AGAP1: variants seen among roughly 807,000 people sequenced by gnomAD.
AGAP1 encodes arf-GAP with GTPase, ANK repeat and PH domain-containing protein 1.
A neutral mutation model predicts 105.3 loss-of-function variants in AGAP1; 29 were observed. The observed-to-expected ratio is 0.28, with a 90% CI of 0.21 to 0.38. AGAP1 has a LOEUF of 0.38. Ranked by LOEUF, AGAP1 falls within the 10% of genes least tolerant of loss-of-function variation. AGAP1 has a pLI of 1.00. For synonymous variants in AGAP1, 509 were observed against 485.9 expected (o/e 1.05, Z -0.63); for missense variants, 998 against 1,165.1 (o/e 0.86, Z 2.09).
chr2:235,893,812 C>T lies in AGAP1; in HGVS notation c.1155+10363C>T, dbSNP rs182201709. Among the ~76,000 whole-genome samples the T allele has an allele frequency of 9.4e-4, 143 of 152,236 alleles. No individual in the cohort carries two copies. The highest frequency in any genetic ancestry group is 3.3e-3 in the African/African-American group (137 of 41,546). ...GTGCCACCACAATGAAGTTTCCAAT[C>T]GTGTGACTCCTTCAGCATCTTTGCT... On this transcript the variant is annotated intron_variant, in intron 10 of 17. Transcript: ENST00000304032. This position sits in a 1 kb window ranked among gnomAD's most constrained non-coding sequence, Gnocchi z 4.7.
intron 9 of AGAP1, among the ~76,000 whole-genome samples, chr2:235,858,797 A>G (rs1053069919): frequency 6.6e-6 from 1 of 152,238 alleles, no homozygotes; most frequent in Non-Finnish European, 1.5e-5. Context: ...TAATGCCAGC[A>G]GTAACAGTGC....
intron 13 of AGAP1, among the ~76,000 whole-genome samples, chr2:236,018,246 TATG>T (rs1405302781): frequency 2.0e-5 from 3 of 152,328 alleles, no homozygotes; most frequent in African/African-American, 7.2e-5. Context: ...GTCTTAATGG[TATG>T]ATCCTCCAAT....
rs1946154327 is a variant in AGAP1 at position 235,612,323 on chromosome 2, T to A, written c.164-96856T>A. On this transcript the variant is annotated intron_variant, in intron 1 of 17. Coordinates refer to ENST00000304032, the MANE Select transcript of AGAP1 (RefSeq NM_001037131.3). The surrounding 1 kb of genome is among the most constrained non-coding windows in gnomAD (Gnocchi z 4.3). Reference sequence around the variant, plus strand: ...CTGTGGCGTGGAGGCGGTGCCTGGTTAAAGTGGGGCTCAGATGCCCCTTGG... The same window carrying A: ...CTGTGGCGTGGAGGCGGTGCCTGGTAAAAGTGGGGCTCAGATGCCCCTTGG... 6.6e-6 allele frequency among the ~76,000 whole-genome samples: 1 copy of A among 152,114 alleles called. No individual in the cohort carries two copies. The highest frequency in any genetic ancestry group is 1.5e-5 in the Non-Finnish European group (1 of 68,032).
intron 1 of AGAP1, among the ~76,000 whole-genome samples, chr2:235,541,996 TCTGCCCACA>T (rs1161441945): frequency 6.6e-6 from 1 of 152,212 alleles, no homozygotes; most frequent in Non-Finnish European, 1.5e-5. Context: ...TTTATTTTTT[TCTGCCCACA>T]CTGGATATTA....
chr2:236,010,813 A>T (rs2056484915), intron 13 of AGAP1, among the ~76,000 whole-genome samples: 1 of 152,194 alleles, frequency 6.6e-6, no homozygotes, highest in Non-Finnish European at 1.5e-5. Flanking sequence ...TTTGGGAGTG[A>T]GTCTCTCTGC....
At chr2:235,847,616 T>G (rs773851905) in intron 9 of AGAP1, among the ~76,000 whole-genome samples, 1 of 152,246 alleles carries the variant, frequency 6.6e-6, no homozygotes, top group African/African-American at 2.4e-5. Flanking sequence ...TTTTAATATT[T>G]TGACTATTCA....
In AGAP1 at chr2:236,120,380, A is replaced by G; in HGVS notation, c.2303A>G (p.Asp768Gly). 1 of 1,611,346 alleles carries G rather than the reference A, an allele frequency of 6.2e-7. No individual in the cohort carries two copies. The highest frequency in any genetic ancestry group is 8.5e-7 in the Non-Finnish European group (1 of 1,179,748). Reference protein sequence around the residue: ...DEVNETCGEGDGRTALHLACR... With the variant: ...DEVNETCGEGGGRTALHLACR... ...GTGAACGAGACCTGCGGGGAGGGAG[A>G]CGGCCGCACGGCGCTGCATCTGGCC... The change falls in exon 17 of 18, where the codon GAC (aspartate) becomes GGC (glycine). Residue 768 changes from aspartate (D) to glycine (G), a missense_variant. Physicochemically the swap from Asp to Gly is moderately conservative, Grantham distance 94. Around this residue, in one of 3 missense-constraint regions of AGAP1, gnomAD observed 235 missense variants for 270.7 expected, o/e 0.87. Coordinates refer to ENST00000304032, the MANE Select transcript of AGAP1 (RefSeq NM_001037131.3). The surrounding 1 kb of genome is among the most constrained non-coding windows in gnomAD (Gnocchi z 6.0).
chr2:235,823,521 A>G (rs1559530371), intron 9 of AGAP1, among the ~76,000 whole-genome samples: 1 of 152,176 alleles, frequency 6.6e-6, no homozygotes, highest in Non-Finnish European at 1.5e-5. Flanking sequence ...AGGGACCCTC[A>G]TCTTATACCT....
At chr2:235,907,656 G>A (rs2051371786) in intron 10 of AGAP1, among the ~76,000 whole-genome samples, 1 of 151,942 alleles carries the variant, frequency 6.6e-6, no homozygotes, top group South Asian at 2.1e-4. Context: ...GTATTCATGG[G>A]GGATTGGCTC....
intron 11 of AGAP1, among the ~76,000 whole-genome samples, chr2:235,928,709 T>C (rs545747496): frequency 6.6e-6 from 1 of 152,302 alleles, no homozygotes; most frequent in East Asian, 1.9e-4. Flanking sequence ...TGCTGCCTTC[T>C]GTGGGGTCTG....
chr2:235,697,802 T>C (rs1177310330), intron 1 of AGAP1, among the ~76,000 whole-genome samples: 2 of 152,334 alleles, frequency 1.3e-5, no homozygotes, highest in Admixed American at 6.5e-5. Context: ...GGCCCAATTA[T>C]ATCCAGCCCA....
chr2:235,713,332 G>C (rs546373730), intron 2 of AGAP1, among the ~76,000 whole-genome samples: 2 of 152,336 alleles, frequency 1.3e-5, no homozygotes, highest in South Asian at 2.1e-4. Flanking sequence ...AAAAAAAGAT[G>C]TACGTCGGAT....
Position 235,728,966 on chromosome 2 carries a change from G to A in AGAP1, c.310+11322G>A, listed in dbSNP as rs1951798320. Among the ~76,000 whole-genome samples, 1 of 151,532 alleles carries A rather than the reference G, an allele frequency of 6.6e-6. No homozygotes were observed. On this transcript the variant is annotated intron_variant, in intron 3 of 17. Transcript: ENST00000304032. The surrounding 1 kb of genome is among the most constrained non-coding windows in gnomAD (Gnocchi z 4.3). Reference sequence around the variant, plus strand: ...ACCACACCATCTGGCAGGGGACCAGGCCAGCTGCTGTGTGGGTCTTCCATG... The same window carrying A: ...ACCACACCATCTGGCAGGGGACCAGACCAGCTGCTGTGTGGGTCTTCCATG...
rs1454013569 is a variant in AGAP1, at chr2:235,845,367, C to T, written c.1051-37978C>T. On this transcript the variant is annotated intron_variant, in intron 9 of 17. Coordinates refer to ENST00000304032, the MANE Select transcript of AGAP1 (RefSeq NM_001037131.3). This position sits in a 1 kb window ranked among gnomAD's most constrained non-coding sequence, Gnocchi z 4.8. ...GCAAAATCCAACACCATGCTGGCTT[C>T]TGGGAGTGCAGATTTTGCAGACATG... is the stretch of plus-strand genomic sequence containing the variant. Among the ~76,000 whole-genome samples the T allele has an allele frequency of 1.3e-5, 2 of 152,194 alleles. No homozygotes were observed.
chr2:236,008,727 A>G (rs2056408585), intron 13 of AGAP1, among the ~76,000 whole-genome samples: 1 of 152,208 alleles, frequency 6.6e-6, no homozygotes, highest in African/African-American at 2.4e-5. Context: ...TTAGCCCACT[A>G]TGTAGAACGC....
intron 9 of AGAP1, among the ~76,000 whole-genome samples, chr2:235,835,921 C>T (rs1015960511): frequency 8.5e-5 from 13 of 152,246 alleles, no homozygotes; most frequent in Admixed American, 3.9e-4. Flanking sequence ...TTGGGGATTC[C>T]GCCATATTTT....
intron 12 of AGAP1, among the ~76,000 whole-genome samples, chr2:235,950,057 G>A (rs11902362): frequency 0.63 from 95,555 of 152,068 alleles, 31,464 homozygotes; most frequent in African/African-American, 0.84. Context: ...AGATGCTTGG[G>A]CACAGAGAGT....
At chr2:235,636,652 C>G (rs531562133) in intron 1 of AGAP1, among the ~76,000 whole-genome samples, 194 of 152,278 alleles carry the variant, frequency 1.3e-3, no homozygotes, top group Admixed American at 1.8e-3. Flanking sequence ...TCCAGGACTC[C>G]GCTGGCCCAG....
chr2:235,502,883 C>G (rs1446610531), intron 1 of AGAP1, among the ~76,000 whole-genome samples: 2 of 152,092 alleles, frequency 1.3e-5, no homozygotes, highest in Non-Finnish European at 2.9e-5. Flanking sequence ...TACTGTTACC[C>G]TGTTCTCACT....
Sources: gnomAD v4.1 joint callset for allele counts (sites outside exome capture counted in the v4.1 genomes callset) on GRCh38, gnomAD v4.1.1 for gene constraint, gnomAD v4.1.1 regional missense constraint, Gnocchi (gnomAD v3.1) non-coding constraint, MANE v1.5 for transcripts, NCBI Gene and HGNC (gene_info 2026-07-23, HGNC 2026-07-21) for gene names.